The following TMEM204 variants were observed in gnomAD, a reference collection of about 807,000 sequenced individuals.
TMEM204 encodes claudin-like protein 24.
TMEM204 carries 15 observed loss-of-function variants against 19.4 expected under a neutral mutation model. The observed-to-expected ratio is 0.77, with a 90% CI of 0.52 to 1.19. The LOEUF (loss-of-function observed/expected upper bound fraction) is 1.19. TMEM204 is among the 50% of genes most tolerant of loss of function. The pLI is 0.00. For synonymous variants in TMEM204, 161 were observed against 146.0 expected (o/e 1.10, Z -0.74); for missense variants, 287 against 321.2 (o/e 0.89, Z 0.81).
intron 1 of TMEM204, among the ~76,000 whole-genome samples, chr16:1,538,370 G>A (rs970888275): frequency 2.6e-5 from 4 of 152,298 alleles, no homozygotes; most frequent in Non-Finnish European, 4.4e-5. Context: ...TCAGGGGTGC[G>A]TCTGCTTATT....
upstream of TMEM204, chr16:1,533,167 C>A (rs780578850): frequency 4.6e-5 from 7 of 152,540 alleles, no homozygotes; most frequent in Non-Finnish European, 1.0e-4. This position sits in a 1 kb window ranked among gnomAD's most constrained non-coding sequence, Gnocchi z 4.7. Flanking sequence ...CCTGGCCCTG[C>A]AGGTCTGGGT....
rs1181340462 is a variant in TMEM204, at chr16:1,554,011, G to A, written c.437-771G>A. The A allele has an allele frequency of 3.1e-6, 4 of 1,287,196 alleles. No homozygotes were observed. The South Asian group carries it at 4.9e-5, about 16-fold the overall frequency. 79.7% of individuals were successfully genotyped at this position (1,287,196 alleles called of 1,614,324 possible). Reference sequence around the variant, plus strand: ...GCTGCGCCAACCAAGGGTTGCTCACGGCCCACCTCTCCTTCTCTGGTTTCA... The same window carrying A: ...GCTGCGCCAACCAAGGGTTGCTCACAGCCCACCTCTCCTTCTCTGGTTTCA... On this transcript the variant is annotated intron_variant, in intron 2 of 2. Transcript: ENST00000566264.
At chr16:1,547,456 C>T (rs1269080453) in intron 2 of TMEM204, among the ~76,000 whole-genome samples, 2 of 152,324 alleles carry the variant, frequency 1.3e-5, no homozygotes, top group South Asian at 2.1e-4. Context: ...AGAAAGTCTG[C>T]TGTTCTCTTA....
rs1414486611 is a variant in TMEM204 at position 1,546,988 on chromosome 16, C to T, written c.436+4912C>T. 2.0e-5 allele frequency among the ~76,000 whole-genome samples: 3 copies of T among 152,352 alleles called. No individual in the cohort carries two copies. The East Asian group carries it at 5.8e-4, about 29-fold the overall frequency. Reference sequence around the variant, plus strand: ...CCCCAGTCGGTGCTCACATGACACTCTCTGCATCCGTGTGGGGACCTGTGG... The same window carrying T: ...CCCCAGTCGGTGCTCACATGACACTTTCTGCATCCGTGTGGGGACCTGTGG... On this transcript the variant is annotated intron_variant, in intron 2 of 2. Coordinates refer to ENST00000566264, the MANE Select transcript of TMEM204 (RefSeq NM_024600.6).
intron 2 of TMEM204, among the ~76,000 whole-genome samples, chr16:1,544,884 G>A (rs950365998): frequency 1.3e-5 from 2 of 152,144 alleles, no homozygotes; most frequent in Non-Finnish European, 1.5e-5. Context: ...TCCTGACCTT[G>A]TGATCCGCCC....
chr16:1,544,110 T>C (rs1290965161), intron 2 of TMEM204, among the ~76,000 whole-genome samples: 2 of 146,076 alleles, frequency 1.4e-5, no homozygotes, highest in African/African-American at 2.6e-5. Flanking sequence ...CTCTGCCTCC[T>C]GGGTTCAAGC....
intron 1 of TMEM204, among the ~76,000 whole-genome samples, chr16:1,534,909 A>G (rs1179358518): frequency 1.3e-5 from 2 of 152,222 alleles, no homozygotes; most frequent in Non-Finnish European, 1.5e-5. Flanking sequence ...TCCTTGGTTG[A>G]AAATAATTAT....
In TMEM204 at chr16:1,551,415, C is replaced by T. The variant is rs563141377; in HGVS notation, c.437-3367C>T. Among the ~76,000 whole-genome samples, 1 of 152,216 alleles carries T rather than the reference C, an allele frequency of 6.6e-6. No individual in the cohort carries two copies. The highest frequency in any genetic ancestry group is 1.9e-4 in the East Asian group (1 of 5,166). On this transcript the variant is annotated intron_variant, in intron 2 of 2. Coordinates refer to ENST00000566264, the MANE Select transcript of TMEM204 (RefSeq NM_024600.6). This position sits in a 1 kb window ranked among gnomAD's most constrained non-coding sequence, Gnocchi z 4.0. ...AGCCCAGAGTAGGTGGACCCAGTGA[C>T]TGAGAGGGGTGGAAAGGGCCACTGG...
intron 2 of TMEM204, among the ~76,000 whole-genome samples, chr16:1,543,111 G>A (rs551387480): frequency 6.6e-6 from 1 of 152,338 alleles, no homozygotes; most frequent in African/African-American, 2.4e-5. Context: ...AGGTCAGCCC[G>A]GTGCCCGCAG....
upstream of TMEM204, chr16:1,531,629 G>A (rs910437195): frequency 2.6e-5 from 4 of 152,304 alleles, no homozygotes; most frequent in Non-Finnish European, 5.9e-5. The surrounding 1 kb of genome is among the most constrained non-coding windows in gnomAD (Gnocchi z 4.7). Context: ...ATCCTCCCAG[G>A]AGGGTCGCTC....
In TMEM204 at chr16:1,537,842, G is replaced by A. The variant is rs949027094; in HGVS notation, c.280+3287G>A. ...GAGGGGGAGCCCCACCCCTCTCTCC[G>A]GTGGCTCCACGTGGCTCCGTCACCA... On this transcript the variant is annotated intron_variant, in intron 1 of 2. Coordinates refer to ENST00000566264, the MANE Select transcript of TMEM204 (RefSeq NM_024600.6). Among the ~76,000 whole-genome samples, 9 of 152,280 alleles carry A rather than the reference G, an allele frequency of 5.9e-5. No individual in the cohort carries two copies. The East Asian group carries it at 1.4e-3, about 23-fold the overall frequency.
chr16:1,550,860 G>A (rs2032577107), intron 2 of TMEM204, among the ~76,000 whole-genome samples: 1 of 152,252 alleles, frequency 6.6e-6, no homozygotes. Flanking sequence ...TGTGGCTGAC[G>A]CTGACCCTAG....
rs1288187688 is a variant in TMEM204, at chr16:1,553,204, GTCTCTGTCTC to G, written c.437-1567_437-1558del. On this transcript the variant is annotated intron_variant, in intron 2 of 2. Coordinates refer to ENST00000566264, the MANE Select transcript of TMEM204 (RefSeq NM_024600.6). This position sits in a 1 kb window ranked among gnomAD's most constrained non-coding sequence, Gnocchi z 4.4. Reference sequence around the variant, plus strand: ...TCTGTCTCTCCTTCCCTGTGTCTCTGTCTCTGTCTCTCTCTGTCTCCATCTGTCTCTGTGT... The same window carrying G: ...TCTGTCTCTCCTTCCCTGTGTCTCTGTCTCTGTCTCCATCTGTCTCTGTGT... 5 of 981,796 alleles carry G rather than the reference GTCTCTGTCTC, an allele frequency of 5.1e-6. No individual in the cohort carries two copies. The highest frequency in any genetic ancestry group is 4.7e-5 in the South Asian group (1 of 21,212). 60.8% of individuals were successfully genotyped at this position (981,796 alleles called of 1,614,324 possible). A position where few individuals can be genotyped will look rare whatever the true frequency, so the allele number is the denominator to read the frequency against.
chr16:1,544,680 G>A (rs991235737), intron 2 of TMEM204, among the ~76,000 whole-genome samples: 16 of 151,026 alleles, frequency 1.1e-4, no homozygotes, highest in African/African-American at 2.7e-4. Flanking sequence ...ATGGAGTCTC[G>A]CCCTGTGGCC....
chr16:1,547,930 G>T (rs2032308359), intron 2 of TMEM204, among the ~76,000 whole-genome samples: 1 of 152,204 alleles, frequency 6.6e-6, no homozygotes, highest in East Asian at 1.9e-4. Flanking sequence ...TCCCGCTTCA[G>T]CCTCTCAAAG....
At chr16:1,554,704 C>G (rs1438285650) in intron 2 of TMEM204, 78 bp from the exon 3 acceptor site, 10 of 1,575,840 alleles carry the variant, frequency 6.3e-6, no homozygotes, top group Non-Finnish European at 8.6e-6. Flanking sequence ...GGAACCTGCT[C>G]TAGGACAGAG....
Position 1,541,971 on chromosome 16 carries a change from A to G in TMEM204, c.331A>G (p.Thr111Ala), listed in dbSNP as rs2141291321. Residue 111 changes from threonine (T) to alanine (A), a missense_variant, in exon 2 of 3, where the codon ACC becomes GCC. Coordinates refer to ENST00000566264, the MANE Select transcript of TMEM204 (RefSeq NM_024600.6). The part of the protein sequence containing the change: ...ACNLVATAAL[T>A]AGQLTFLLGL... The stretch of plus-strand genomic sequence containing the variant: ...CAACCTGGTGGCCACGGCCGCGCTC[A>G]CCGCAGGCCAGCTCACCTTCCTCCT... 3.7e-6 allele frequency: 6 copies of G among 1,610,628 alleles called. No homozygotes were observed. The highest frequency in any genetic ancestry group is 5.1e-6 in the Non-Finnish European group (6 of 1,179,528).
intron 2 of TMEM204, among the ~76,000 whole-genome samples, chr16:1,544,428 G>C (rs1012180544): frequency 2.6e-5 from 4 of 151,420 alleles, no homozygotes; most frequent in African/African-American, 9.7e-5. Flanking sequence ...CTCGTGATCC[G>C]CCCACCTTGG....
intron 2 of TMEM204, among the ~76,000 whole-genome samples, chr16:1,544,174 C>T (rs1252959755): frequency 5.3e-5 from 8 of 150,322 alleles, no homozygotes; most frequent in African/African-American, 9.8e-5. Context: ...CCTGCCACCA[C>T]GCCCCACTAA....
Sources: gnomAD v4.1 joint callset for allele counts (sites outside exome capture counted in the v4.1 genomes callset) on GRCh38, gnomAD v4.1.1 for gene constraint, Gnocchi (gnomAD v3.1) non-coding constraint, MANE v1.5 for transcripts, NCBI Gene and HGNC (gene_info 2026-07-23, HGNC 2026-07-21) for gene names.